Variants in REPS2 observed in about 807,000 individuals in gnomAD.
REPS2 encodes ralBP1-associated Eps domain-containing protein 2.
REPS2 carries 23 observed loss-of-function variants against 53.6 expected under a neutral mutation model. The ratio of observed to expected loss-of-function variants is 0.43; its 90% CI spans 0.31 to 0.61. The LOEUF is 0.61. REPS2 is among the 20% of genes least tolerant of loss of function. The pLI is 0.11. For missense variants in REPS2, 446 were observed against 534.9 expected (o/e 0.83, Z 1.64); for synonymous variants, 238 against 218.6 (o/e 1.09, Z -0.78).
chrX:17,044,579 A>G (rs1305567695), intron 5 of REPS2: 1 of 111,197 alleles, frequency 9.0e-6, no homozygotes, highest in Non-Finnish European at 1.9e-5. Context: ...CCCACATCCC[A>G]CCTTCTTCAC....
chrX:16,971,393 A>G (rs2060892157), intron 1 of REPS2, among the ~76,000 whole-genome samples: 1 of 112,617 alleles, frequency 8.9e-6, no homozygotes, highest in Admixed American at 9.4e-5. Flanking sequence ...GATTCAATAC[A>G]TATGATACAA....
chrX:17,182,127 G>A, the REPS2 span, among the ~76,000 whole-genome samples: 2 of 103,126 alleles, frequency 1.9e-5, no homozygotes, highest in Admixed American at 2.1e-4. Context: ...CTTCTACCTA[G>A]TGTGCTCTAT....
Position 17,151,771 on chromosome X carries a change from G to A in REPS2, c.*4290G>A, listed in dbSNP as rs988515141. The A allele has an allele frequency of 9.0e-6, 1 of 111,581 alleles. No homozygotes were observed. The highest frequency in any genetic ancestry group is 3.3e-5 in the African/African-American group (1 of 30,710). The allele number at this position is 111,581 out of a possible 1,213,427, so 9.2% of individuals were successfully genotyped here. On this transcript the variant is annotated 3_prime_UTR_variant, in exon 18 of 18. Transcript: ENST00000357277. ...TTTAAAGAGAACACTAGTAATTCTGGTTTTTCTTTCTAACTGCTTTACTGT... is the reference window on the plus strand; with the variant it reads ...TTTAAAGAGAACACTAGTAATTCTGATTTTTCTTTCTAACTGCTTTACTGT...
At chrX:17,078,918 A>G (rs1377957917) in intron 13 of REPS2, among the ~76,000 whole-genome samples, 2 of 112,424 alleles carry the variant, frequency 1.8e-5, no homozygotes, top group African/African-American at 6.5e-5. Context: ...TCTGTACAGT[A>G]GAGCCAATAC....
At chrX:17,059,410 GA>G (rs1193153046) in intron 8 of REPS2, among the ~76,000 whole-genome samples, 1 of 108,900 alleles carries the variant, frequency 9.2e-6, no homozygotes, top group Non-Finnish European at 1.9e-5. Flanking sequence ...GATTGGTGAA[GA>G]GTATAAATTT....
intron 1 of REPS2, among the ~76,000 whole-genome samples, chrX:16,968,243 T>G (rs1445012554): frequency 9.0e-6 from 1 of 111,347 alleles, no homozygotes; most frequent in Non-Finnish European, 1.9e-5. Flanking sequence ...GTCTACCTCT[T>G]TCTACACAGA....
intron 14 of REPS2, among the ~76,000 whole-genome samples, chrX:17,117,904 G>A (rs774150465): frequency 2.1e-5 from 2 of 96,501 alleles, no homozygotes; most frequent in African/African-American, 7.8e-5. Flanking sequence ...GTGTAAAAGT[G>A]TTCCTATTTC....
At chrX:17,125,960 G>A (rs773350118) in intron 14 of REPS2, among the ~76,000 whole-genome samples, 17 of 112,206 alleles carry the variant, frequency 1.5e-4, no homozygotes, top group Non-Finnish European at 2.3e-4. Flanking sequence ...TAAGTGTGAC[G>A]AGTACCTGGA....
chrX:17,171,075 C>T, the REPS2 span, among the ~76,000 whole-genome samples: 240 of 113,052 alleles, frequency 2.1e-3, 2 homozygotes, highest in African/African-American at 7.3e-3. Flanking sequence ...GCTTACAGGT[C>T]CCCTGGTGTT....
intron 1 of REPS2, among the ~76,000 whole-genome samples, chrX:16,969,877 ATTAG>A (rs756543209): frequency 1.1e-4 from 12 of 111,541 alleles, no homozygotes; most frequent in South Asian, 7.6e-4. Flanking sequence ...TTATCATTTT[ATTAG>A]TTAGTGTGCT....
At chrX:17,006,195 G>C in intron 1 of REPS2, 26 bp from the exon 2 acceptor site, 1 of 1,205,332 alleles carries the variant, frequency 8.3e-7, no homozygotes, top group Non-Finnish European at 1.1e-6. Flanking sequence ...TGGGTGTTCA[G>C]CATTGTTTTT....
the REPS2 span, among the ~76,000 whole-genome samples, chrX:17,171,166 C>T: frequency 8.9e-6 from 1 of 112,620 alleles, no homozygotes; most frequent in Admixed American, 9.3e-5. Context: ...TGACAATATC[C>T]CAAGGGCAGC....
chrX:17,058,614 G>A (rs971367547), intron 8 of REPS2, among the ~76,000 whole-genome samples: 11 of 111,613 alleles, frequency 9.9e-5, no homozygotes, highest in Middle Eastern at 4.6e-3. Flanking sequence ...ATAAAAAAGA[G>A]TGCCAATGAG....
rs145152889 is a variant in REPS2, at chrX:17,013,922, T to C, written c.397+7578T>C. Among the ~76,000 whole-genome samples the C allele has an allele frequency of 4.9e-4, 55 of 111,228 alleles. No homozygotes were observed. In the East Asian group the frequency reaches 0.014, roughly 28 times the overall value. ...TTTGTGTTTTCTAGGGGTCTGTCCC[T>C]CTACCCCATAGCGCTGTCATTAGCT... On this transcript the variant is annotated intron_variant, in intron 2 of 17. Coordinates refer to ENST00000357277, the MANE Select transcript of REPS2 (RefSeq NM_004726.3).
downstream of REPS2, among the ~76,000 whole-genome samples, chrX:17,153,912 G>A (rs2063591487): frequency 9.0e-6 from 1 of 111,424 alleles, no homozygotes; most frequent in South Asian, 3.8e-4. Flanking sequence ...GGATGACTGG[G>A]TCATTTACTT....
At chrX:16,972,310 A>C (rs1222751656) in intron 1 of REPS2, among the ~76,000 whole-genome samples, 1 of 112,406 alleles carries the variant, frequency 8.9e-6, no homozygotes, top group African/African-American at 3.2e-5. Context: ...ATTCAGTTCT[A>C]AATGTGAGGA....
chrX:17,059,978 C>G (rs2062135299), intron 8 of REPS2, among the ~76,000 whole-genome samples: 3 of 112,522 alleles, frequency 2.7e-5, no homozygotes, highest in Non-Finnish European at 5.6e-5. Context: ...TCAAGAGTCT[C>G]CTTTTGATAG....
chrX:17,182,678 G>A, the REPS2 span, among the ~76,000 whole-genome samples: 5 of 112,081 alleles, frequency 4.5e-5, no homozygotes, highest in Non-Finnish European at 7.5e-5. Flanking sequence ...TTTTAAAATG[G>A]AATGTTATTT....
At chrX:17,051,329 A>G (rs2062000301) in intron 6 of REPS2, among the ~76,000 whole-genome samples, 1 of 112,118 alleles carries the variant, frequency 8.9e-6, no homozygotes, top group South Asian at 3.7e-4. Context: ...ATAGGAGTGC[A>G]CATATTTCTT....
Sources: gnomAD v4.1 joint callset for allele counts (sites outside exome capture counted in the v4.1 genomes callset) on GRCh38, gnomAD v4.1.1 for gene constraint, MANE v1.5 for transcripts, NCBI Gene and HGNC (gene_info 2026-07-23, HGNC 2026-07-21) for gene names.